The following RBFOX2 variants were observed in gnomAD, a reference collection of about 807,000 sequenced individuals.
RBFOX2 encodes the protein RNA binding protein fox-1 homolog 2.
A neutral mutation model predicts 49.1 loss-of-function variants in RBFOX2; 10 were observed. The observed-to-expected ratio is 0.20, with a 90% CI of 0.13 to 0.35. RBFOX2 has a LOEUF of 0.35. Among genes scored for constraint, RBFOX2 ranks in the 10% least tolerant of loss-of-function variants. RBFOX2 has a pLI of 1.00. For missense variants in RBFOX2, 323 were observed against 486.9 expected, an observed-to-expected ratio of 0.66 and a Z score of 3.17; for synonymous variants, 183 against 187.4, an observed-to-expected ratio of 0.98 and a Z score of 0.19.
upstream of RBFOX2, chr22:35,938,961 A>G (rs2053411521): frequency 6.9e-7 from 1 of 1,443,844 alleles, no homozygotes; most frequent in African/African-American, 1.4e-5. Context: ...CATAATCAAA[A>G]TCATCCAAAC....
intron 1 of RBFOX2, among the ~76,000 whole-genome samples, chr22:35,945,576 G>C (rs1357910260): frequency 1.3e-5 from 2 of 152,102 alleles, no homozygotes; most frequent in African/African-American, 4.8e-5. Flanking sequence ...GAGTAGCTGG[G>C]ACTACAGGCA....
intron 1 of RBFOX2, among the ~76,000 whole-genome samples, chr22:35,889,976 T>C (rs1269433629): frequency 2.0e-5 from 3 of 152,132 alleles, no homozygotes; most frequent in Non-Finnish European, 4.4e-5. Flanking sequence ...CTCAGAAAGA[T>C]GATACACTGA....
chr22:35,786,011 A>G (rs1946314635), intron 2 of RBFOX2, among the ~76,000 whole-genome samples: 1 of 152,188 alleles, frequency 6.6e-6, no homozygotes, highest in Non-Finnish European at 1.5e-5. Flanking sequence ...AAACTTTAAA[A>G]CCACCAGATC....
intron 1 of RBFOX2, among the ~76,000 whole-genome samples, chr22:35,827,503 CCT>C (rs1167739215): frequency 8.5e-5 from 13 of 152,166 alleles, no homozygotes. Context: ...TACCACTAAA[CCT>C]CACTCAATAC....
At chr22:35,812,395 G>T (rs1027676740) in intron 1 of RBFOX2, among the ~76,000 whole-genome samples, 1 of 151,994 alleles carries the variant, frequency 6.6e-6, no homozygotes, top group Admixed American at 6.6e-5. Flanking sequence ...TTATTTCTAG[G>T]TTAGGATAGT....
intron 9 of RBFOX2, 62 bp from the exon 12 acceptor site, chr22:35,746,623 C>T (rs896724877): frequency 1.3e-5 from 13 of 979,098 alleles, no homozygotes; most frequent in Non-Finnish European, 1.9e-5. Context: ...CAGAAAAACA[C>T]ACACCCGCCC....
intron 1 of RBFOX2, among the ~76,000 whole-genome samples, chr22:35,912,027 T>C (rs1176381412): frequency 1.3e-5 from 2 of 152,164 alleles, no homozygotes; most frequent in Non-Finnish European, 2.9e-5. Flanking sequence ...AGACTGCAAA[T>C]TGTACTCAAC....
chr22:35,829,005 C>T (rs866847039), intron 1 of RBFOX2, among the ~76,000 whole-genome samples: 13 of 152,162 alleles, frequency 8.5e-5, no homozygotes, highest in South Asian at 2.1e-4. Context: ...GAGCCGAGAT[C>T]GCGCCACTGC....
chr22:35,764,990 T>A (rs1225914370), intron 6 of RBFOX2, among the ~76,000 whole-genome samples: 1 of 151,948 alleles, frequency 6.6e-6, no homozygotes, highest in African/African-American at 2.4e-5. Flanking sequence ...TCCAGAATTA[T>A]AAAAGTGATT....
chr22:35,930,874 T>C (rs1220284822), intron 1 of RBFOX2, among the ~76,000 whole-genome samples: 1 of 152,140 alleles, frequency 6.6e-6, no homozygotes, highest in Non-Finnish European at 1.5e-5. Context: ...TTTCTCATCT[T>C]CAACAGTAGG....
exon 10 of RBFOX2, chr22:35,746,477 C>T (rs1239782655): frequency 2.5e-6 from 4 of 1,598,896 alleles, no homozygotes; most frequent in Non-Finnish European, 2.6e-6. Flanking sequence ...ACATACCCGT[C>T]ACTGTAAGCG....
At chr22:35,805,147 G>A (rs891110914) in intron 2 of RBFOX2, among the ~76,000 whole-genome samples, 9 of 151,940 alleles carry the variant, frequency 5.9e-5, no homozygotes, top group South Asian at 4.2e-4. Flanking sequence ...AAAATTAGCC[G>A]GGCGTGGTGG....
chr22:35,969,831 G>A (rs1203299358), intron 1 of RBFOX2, among the ~76,000 whole-genome samples: 3 of 152,218 alleles, frequency 2.0e-5, no homozygotes, highest in African/African-American at 7.2e-5. Flanking sequence ...GAATGTGGAA[G>A]AATATGTATC....
intron 1 of RBFOX2, among the ~76,000 whole-genome samples, chr22:35,913,189 C>T (rs1238964903): frequency 6.6e-6 from 1 of 151,712 alleles, no homozygotes; most frequent in African/African-American, 2.4e-5. Flanking sequence ...AAAAGTAAAC[C>T]GTGGCCAGTT....
chr22:35,938,971 C>G, upstream of RBFOX2: 8 of 1,376,188 alleles, frequency 5.8e-6, no homozygotes, highest in Non-Finnish European at 8.3e-6. Flanking sequence ...ATCATCCAAA[C>G]TGATCAAATA....
intron 1 of RBFOX2, chr22:35,898,059 AG>A (rs2048089773): frequency 1.4e-6 from 1 of 730,352 alleles, no homozygotes; most frequent in East Asian, 2.6e-5. Flanking sequence ...CTCGTCAGAT[AG>A]AATCTTTATC....
intron 1 of RBFOX2, chr22:35,998,963 T>G (rs1279958356): frequency 6.6e-6 from 1 of 152,568 alleles, no homozygotes; most frequent in East Asian, 1.9e-4. Flanking sequence ...TTAGCCACAG[T>G]GGCAGCCACT....
intron 1 of RBFOX2, among the ~76,000 whole-genome samples, chr22:35,875,617 T>C (rs930728983): frequency 1.6e-4 from 18 of 112,662 alleles, no homozygotes; most frequent in Middle Eastern, 9.2e-3. Context: ...GGTGTGTGTG[T>C]GTGTGTGTGT....
chr22:35,991,090 T>A (rs2057959504), intron 1 of RBFOX2, among the ~76,000 whole-genome samples: 1 of 151,864 alleles, frequency 6.6e-6, no homozygotes, highest in East Asian at 1.9e-4. Flanking sequence ...AGAGACCCCA[T>A]CTCTAAATTT....
Sources: gnomAD v4.1 joint callset for allele counts (sites outside exome capture counted in the v4.1 genomes callset) on GRCh38, gnomAD v4.1.1 for gene constraint, MANE v1.5 for transcripts, NCBI Gene and HGNC (gene_info 2026-07-23, HGNC 2026-07-21) for gene names.